CD3G: variants seen among roughly 807,000 people sequenced by gnomAD.
CD3G encodes T-cell surface glycoprotein CD3 gamma chain.
Under a neutral mutation model 28.3 loss-of-function variants are expected in CD3G, and 24 were observed. That is an observed-to-expected ratio of 0.85 (90% CI 0.61 to 1.19). The LOEUF is 1.19. Ranked by LOEUF, CD3G falls within the 50% of genes most tolerant of loss-of-function variation. The probability of loss-of-function intolerance (pLI) is 0.00; values close to 1 mark genes in which losing one functional copy is unlikely to be tolerated. For missense variants in CD3G, 211 were observed against 210.0 expected (o/e 1.00, Z -0.03); for synonymous variants, 71 against 75.9 (o/e 0.93, Z 0.34).
intron 1 of CD3G, among the ~76,000 whole-genome samples, chr11:118,346,040 A>T (rs1464055567): frequency 6.6e-6 from 1 of 152,228 alleles, no homozygotes; most frequent in African/African-American, 2.4e-5. Context: ...TGAGTTCAGC[A>T]GTAGAAAACC....
intron 1 of CD3G, among the ~76,000 whole-genome samples, chr11:118,345,143 T>C (rs1948343793): frequency 6.6e-6 from 1 of 151,914 alleles, no homozygotes; most frequent in Admixed American, 6.6e-5. Context: ...ACAAGTACTA[T>C]GTGAGGAAGA....
In CD3G at chr11:118,354,206, G is replaced by A. The variant is rs998209112; in HGVS notation, c.*1106G>A. 6.6e-6 allele frequency: 1 copy of A among 151,544 alleles called. No homozygotes were observed. The highest frequency in any genetic ancestry group is 1.9e-4 in the East Asian group (1 of 5,160). 9.4% of individuals were successfully genotyped at this position (151,544 alleles called of 1,614,324 possible). A position where few individuals can be genotyped will look rare whatever the true frequency, so the allele number is the denominator to read the frequency against. ...CCACCCATCTTAAGTGATTTCACCT[G>A]TTCTCAGAAATTTTTAGTAAATTTA... On this transcript the variant is annotated 3_prime_UTR_variant, in exon 7 of 7. Coordinates refer to ENST00000532917, the MANE Select transcript of CD3G (RefSeq NM_000073.3).
At chr11:118,346,244 G>A (rs1482846042) in intron 1 of CD3G, among the ~76,000 whole-genome samples, 2 of 152,080 alleles carry the variant, frequency 1.3e-5, no homozygotes, top group Non-Finnish European at 2.9e-5. Flanking sequence ...GACCATCCTG[G>A]TCAACATGGT....
At chr11:118,350,904 C>CAAA (rs978981914) in intron 4 of CD3G, 1 of 862,282 alleles carries the variant, frequency 1.2e-6, no homozygotes, top group South Asian at 3.2e-5. Context: ...AAAAAAAAAA[C>CAAA]AAAAACAGGC....
chr11:118,349,669 TCTC>T, intron 2 of CD3G, 71 bp from the exon 3 acceptor site: 1 of 1,093,128 alleles, frequency 9.1e-7, no homozygotes. Flanking sequence ...ACTCTAATGA[TCTC>T]CTGGTATGCA....
Position 118,349,481 on chromosome 11 carries a change from A to T in CD3G, c.80-262A>T. 5 of 602,994 alleles carry T rather than the reference A, an allele frequency of 8.3e-6. 1 individual carries two copies. The South Asian group carries it at 1.0e-4, about 12-fold the overall frequency. 37.4% of individuals were successfully genotyped at this position (602,994 alleles called of 1,614,324 possible). A position where few individuals can be genotyped will look rare whatever the true frequency, so the allele number is the denominator to read the frequency against. On this transcript the variant is annotated intron_variant, in intron 2 of 6. Coordinates refer to ENST00000532917, the MANE Select transcript of CD3G (RefSeq NM_000073.3). ...ACATGCCCCAAAATCCCAAAGTTTTACCCCTACTAATTACAGCAATGTCTC... is the reference window on the plus strand; with the variant it reads ...ACATGCCCCAAAATCCCAAAGTTTTTCCCCTACTAATTACAGCAATGTCTC...
rs35577555 is a variant in CD3G, at chr11:118,353,524, C to CTTTTTTT, written c.*444_*450dup. ...CCTCTTCAGAGACAAATTAGTTTCT[C>CTTTTTTT]TTTTTTTTTTTTTTTTTTTTTTTTT... On this transcript the variant is annotated 3_prime_UTR_variant, in exon 7 of 7. Coordinates refer to ENST00000532917, the MANE Select transcript of CD3G (RefSeq NM_000073.3). 2 of 80,784 alleles carry CTTTTTTT rather than the reference C, an allele frequency of 2.5e-5. No homozygotes were observed. The highest frequency in any genetic ancestry group is 4.1e-4 in the East Asian group (1 of 2,448). The allele number at this position is 80,784 out of a possible 1,614,324, so 5.0% of individuals were successfully genotyped here. A position where few individuals can be genotyped will look rare whatever the true frequency, so the allele number is the denominator to read the frequency against.
chr11:118,352,020 C>G (rs1948414265), intron 5 of CD3G, among the ~76,000 whole-genome samples: 1 of 152,032 alleles, frequency 6.6e-6, no homozygotes, highest in African/African-American at 2.4e-5. Context: ...CGAGACAAGC[C>G]TGGCCAACAT....
intron 3 of CD3G, 126 bp from the exon 4 acceptor site, chr11:118,350,426 C>G: frequency 3.8e-6 from 3 of 783,788 alleles, no homozygotes; most frequent in Non-Finnish European, 6.8e-6. Context: ...TCTTCCCTTG[C>G]CCTGCCACCC....
chr11:118,351,493 A>C lies in CD3G; in HGVS notation c.440-135A>C, dbSNP rs576520736. On this transcript the variant is annotated intron_variant, in intron 4 of 6. Coordinates refer to ENST00000532917, the MANE Select transcript of CD3G (RefSeq NM_000073.3). ...TTGTGAGTAGCTTCTTTCACTCAACAACATGTTTATGTGCTTTATCCATAC... is the reference window on the plus strand; with the variant it reads ...TTGTGAGTAGCTTCTTTCACTCAACCACATGTTTATGTGCTTTATCCATAC... 4.5e-4 allele frequency: 355 copies of C among 792,654 alleles called. 4 individuals are homozygous for C. The highest frequency in any genetic ancestry group is 3.1e-3 in the South Asian group (211 of 67,122). The allele number at this position is 792,654 out of a possible 1,614,324, so 49.1% of individuals were successfully genotyped here.
At chr11:118,352,253 C>G in intron 5 of CD3G, 151 bp from the exon 6 acceptor site, 1 of 728,816 alleles carries the variant, frequency 1.4e-6, no homozygotes, top group Non-Finnish European at 2.5e-6. Context: ...AGAAAAAAGA[C>G]AGAGCCTCCA....
At chr11:118,350,881 C>A in intron 4 of CD3G, 198 bp downstream of exon 4, 1 of 961,274 alleles carries the variant, frequency 1.0e-6, no homozygotes, top group South Asian at 4.2e-5. Context: ...AGATACAGCT[C>A]CCTCTGTGAA....
intron 4 of CD3G, 68 bp from the exon 5 acceptor site, chr11:118,351,560 A>G: frequency 2.8e-6 from 4 of 1,432,634 alleles, no homozygotes; most frequent in Non-Finnish European, 3.9e-6. Context: ...TTAGTATTCC[A>G]TTTTGTGAAT....
At chr11:118,350,827 G>A (rs867363383) in intron 4 of CD3G, 144 bp downstream of exon 4, 5 of 1,491,792 alleles carry the variant, frequency 3.4e-6, no homozygotes, top group Non-Finnish European at 4.5e-6. Context: ...TCTGAGACAG[G>A]AGAAAGGATA....
chr11:118,352,454 G>A lies in CD3G; in HGVS notation c.534G>A (p.Gln178=). ...AGTACAGCCACCTTCAAGGAAACCA[G>A]TTGAGGAGGAATTGAACTCAGGACT... The part of the protein sequence containing the change: ...DDQYSHLQGN[Q]LRRN Residue 178 remains glutamine (Q), a synonymous_variant, in exon 6 of 7, where the codon CAG becomes CAA. Coordinates refer to ENST00000532917, the MANE Select transcript of CD3G (RefSeq NM_000073.3). The A allele has an allele frequency of 6.2e-7, 1 of 1,614,034 alleles. No individual in the cohort carries two copies. Among genetic ancestry groups the A allele is most frequent in the East Asian group, 2.2e-5 (1 of 44,876 alleles).
Position 118,353,332 on chromosome 11 carries a change from A to G in CD3G, c.*232A>G, listed in dbSNP as rs921561559. 2 of 152,128 alleles carry G rather than the reference A, an allele frequency of 1.3e-5. No homozygotes were observed. The highest frequency in any genetic ancestry group is 4.8e-5 in the African/African-American group (2 of 41,412). 9.4% of individuals were successfully genotyped at this position (152,128 alleles called of 1,614,324 possible). A position where few individuals can be genotyped will look rare whatever the true frequency, so the allele number is the denominator to read the frequency against. ...TCAGAAGCGCCACCTATTGGGGAAA[A>G]TTGTAAAAGAAAAATGAAAAGATCA... On this transcript the variant is annotated 3_prime_UTR_variant, in exon 7 of 7. Transcript: ENST00000532917.
chr11:118,350,298 A>T, intron 3 of CD3G: 1 of 580,296 alleles, frequency 1.7e-6, no homozygotes, highest in East Asian at 3.0e-5. Flanking sequence ...GTGGAGCATG[A>T]AGAGTATCTA....
In CD3G at chr11:118,354,485, G is replaced by T. The variant is rs148713124; in HGVS notation, c.*1385G>T. On this transcript the variant is annotated 3_prime_UTR_variant, in exon 7 of 7. Coordinates refer to ENST00000532917, the MANE Select transcript of CD3G (RefSeq NM_000073.3). ...GCCCAGCTCATTTTTTGTGTATTTA[G>T]TATTTGTGTATCTAGTATTTGTGTA... 904 of 150,462 alleles carry T rather than the reference G, an allele frequency of 6.0e-3. 9 individuals are homozygous for T. The highest frequency in any genetic ancestry group is 9.4e-3 in the Non-Finnish European group (633 of 67,634). The allele number at this position is 150,462 out of a possible 1,614,324, so 9.3% of individuals were successfully genotyped here.
chr11:118,350,663 A>G lies in CD3G; in HGVS notation c.419A>G (p.Asp140Gly), dbSNP rs934893999. 3 of 1,613,766 alleles carry G rather than the reference A, an allele frequency of 1.9e-6. No homozygotes were observed. The highest frequency in any genetic ancestry group is 2.7e-5 in the African/African-American group (2 of 74,912). ...AVGVYFIAGQ[D>G]GVRQSRASDK... ...GGGGTCTACTTCATTGCTGGACAGG[A>G]TGGAGTTCGCCAGTCGAGAGGTAAA... is the stretch of plus-strand genomic sequence containing the variant. Residue 140 changes from aspartate (D) to glycine (G), a missense_variant, in exon 4 of 7, where the codon GAT becomes GGT. Transcript: ENST00000532917.
Sources: gnomAD v4.1 joint callset for allele counts (sites outside exome capture counted in the v4.1 genomes callset) on GRCh38, gnomAD v4.1.1 for gene constraint, MANE v1.5 for transcripts, NCBI Gene and HGNC (gene_info 2026-07-23, HGNC 2026-07-21) for gene names.